METTL9: variants seen among roughly 807,000 people sequenced by gnomAD.
METTL9 encodes the protein protein-L-histidine N-pros-methyltransferase.
Under a neutral mutation model 36.0 loss-of-function variants are expected in METTL9, and 10 were observed. The ratio of observed to expected loss-of-function variants is 0.28; its 90% CI spans 0.17 to 0.47. The LOEUF is 0.47. Ranked by LOEUF, METTL9 falls within the 20% of genes least tolerant of loss-of-function variation. The probability of loss-of-function intolerance (pLI) is 0.99; values close to 1 mark genes in which losing one functional copy is unlikely to be tolerated. For synonymous variants in METTL9, 175 were observed against 149.7 expected (o/e 1.17, Z -1.23); for missense variants, 246 against 383.5 (o/e 0.64, Z 3.00).
intron 1 of METTL9, among the ~76,000 whole-genome samples, chr16:21,606,093 A>G (rs370265091): frequency 1.1e-4 from 16 of 151,968 alleles, no homozygotes; most frequent in African/African-American, 3.9e-4. Flanking sequence ...TCCCGGCACT[A>G]TGGGAGGCTG....
At chr16:21,600,008 C>T in intron 1 of METTL9, 110 bp downstream of exon 1, 1 of 961,548 alleles carries the variant, frequency 1.0e-6, no homozygotes, top group Non-Finnish European at 1.3e-6. Flanking sequence ...GGCCCTCGCC[C>T]CTCCGCCTCG....
At chr16:21,650,923 T>C (rs1400852486) in intron 4 of METTL9, among the ~76,000 whole-genome samples, 1 of 152,176 alleles carries the variant, frequency 6.6e-6, no homozygotes, top group Non-Finnish European at 1.5e-5. Flanking sequence ...ATTCTTATTA[T>C]TTTAAAAAAC....
chr16:21,609,379 A>G (rs1460475443), intron 1 of METTL9, among the ~76,000 whole-genome samples: 3 of 152,266 alleles, frequency 2.0e-5, no homozygotes, highest in African/African-American at 7.2e-5. Context: ...CTCTCAGTCT[A>G]CCTGGGAAGA....
In METTL9 at chr16:21,656,881, T is replaced by A. The variant is rs1159229560; in HGVS notation, c.*1449T>A. On this transcript the variant is annotated 3_prime_UTR_variant, in exon 5 of 5. Transcript: ENST00000358154. ...CATAATAAGAGTTGGGTTATGTGAT[T>A]TATGCAAAATTGTTATTGGTGTGTT... The A allele has an allele frequency of 6.6e-6, 1 of 152,154 alleles. No individual in the cohort carries two copies. The highest frequency in any genetic ancestry group is 1.9e-4 in the East Asian group (1 of 5,198). The allele number at this position is 152,154 out of a possible 1,614,324, so 9.4% of individuals were successfully genotyped here. A position where few individuals can be genotyped will look rare whatever the true frequency, so the allele number is the denominator to read the frequency against.
intron 1 of METTL9, among the ~76,000 whole-genome samples, chr16:21,605,051 GGTTGGTGGTAT>G (rs1273383725): frequency 6.6e-6 from 1 of 152,012 alleles, no homozygotes; most frequent in East Asian, 1.9e-4. Context: ...AACTCTTGGA[GGTTGGTGGTAT>G]CATCCGCACT....
chr16:21,618,965 T>C (rs1965623897), intron 3 of METTL9, among the ~76,000 whole-genome samples: 1 of 152,152 alleles, frequency 6.6e-6, no homozygotes, highest in South Asian at 2.1e-4. Context: ...TCCAAAGTGC[T>C]GGGATTACAG....
chr16:21,620,436 C>T (rs1036671369), intron 3 of METTL9, among the ~76,000 whole-genome samples: 2 of 152,098 alleles, frequency 1.3e-5, no homozygotes, highest in Non-Finnish European at 2.9e-5. Flanking sequence ...ATTCCACCTC[C>T]CCCCCTTAAA....
rs57388340 is a variant in METTL9 at position 21,613,168 on chromosome 16, C to CTTTTTTTTTTT, written c.356+359_356+369dup. ...ATCAGGGGCTAGGTCTGAGAGTCTG[C>CTTTTTTTTTTT]TTTTTTTTTTTTTTTTTTTTTTTTT... On this transcript the variant is annotated intron_variant, in intron 2 of 4. Coordinates refer to ENST00000358154, the MANE Select transcript of METTL9 (RefSeq NM_016025.5). Among the ~76,000 whole-genome samples, 20 of 91,418 alleles carry CTTTTTTTTTTT rather than the reference C, an allele frequency of 2.2e-4. 3 individuals carry two copies. Among genetic ancestry groups the CTTTTTTTTTTT allele is most frequent in the East Asian group, 7.1e-4 (2 of 2,830 alleles). The allele number at this position is 91,418 out of a possible 152,430, so 60.0% of individuals were successfully genotyped here.
At chr16:21,648,821 T>C (rs996433702) in intron 4 of METTL9, among the ~76,000 whole-genome samples, 5 of 152,208 alleles carry the variant, frequency 3.3e-5, no homozygotes, top group African/African-American at 9.7e-5. Flanking sequence ...TTTGCTACTG[T>C]AAATGAAACT....
At chr16:21,613,215 C>A (rs1965475937) in intron 2 of METTL9, among the ~76,000 whole-genome samples, 1 of 116,796 alleles carries the variant, frequency 8.6e-6, no homozygotes, top group Non-Finnish European at 1.6e-5. Context: ...AAAGACAGTC[C>A]TGCTCTGTTT....
chr16:21,621,707 T>G (rs928484745), intron 3 of METTL9, among the ~76,000 whole-genome samples: 1 of 152,222 alleles, frequency 6.6e-6, no homozygotes, highest in Non-Finnish European at 1.5e-5. Context: ...TGTCATTGTT[T>G]ATGCCAGAAA....
intron 4 of METTL9, chr16:21,643,239 A>G (rs1966325139): frequency 9.8e-7 from 1 of 1,023,530 alleles, no homozygotes; most frequent in Non-Finnish European, 1.5e-6. Flanking sequence ...TTCTTGCTCT[A>G]TTGCCACCGG....
intron 3 of METTL9, among the ~76,000 whole-genome samples, chr16:21,624,306 A>C (rs1284811645): frequency 6.6e-6 from 1 of 152,226 alleles, no homozygotes; most frequent in Admixed American, 6.5e-5. Context: ...ACTGATATTC[A>C]AAAGAATTTG....
At chr16:21,632,743 C>A (rs1597769658) in intron 4 of METTL9, among the ~76,000 whole-genome samples, 1 of 152,074 alleles carries the variant, frequency 6.6e-6, no homozygotes, top group Non-Finnish European at 1.5e-5. Flanking sequence ...ATTTTGATAG[C>A]CTCTGACACT....
chr16:21,621,618 C>T (rs1044741961), intron 3 of METTL9, among the ~76,000 whole-genome samples: 2 of 151,340 alleles, frequency 1.3e-5, no homozygotes, highest in Non-Finnish European at 3.0e-5. Context: ...TGAGTCACTG[C>T]GCCCAGCCAA....
At chr16:21,617,064 G>A (rs1334599825) in intron 2 of METTL9, among the ~76,000 whole-genome samples, 1 of 152,056 alleles carries the variant, frequency 6.6e-6, no homozygotes, top group East Asian at 1.9e-4. Context: ...AAAGACAAAT[G>A]GTATCTGGAG....
chr16:21,617,822 A>G, intron 2 of METTL9, 43 bp from the exon 3 acceptor site: 1 of 1,545,450 alleles, frequency 6.5e-7, no homozygotes, highest in Non-Finnish European at 8.9e-7. Context: ...AGGGGTGCTT[A>G]ATTTGCATAG....
rs1340246812 is a variant in METTL9, at chr16:21,612,696, G to A, written c.217G>A (p.Val73Ile). 6.4e-7 allele frequency: 1 copy of A among 1,557,084 alleles called. No homozygotes were observed. Among genetic ancestry groups the A allele is most frequent in the Non-Finnish European group, 8.7e-7 (1 of 1,150,822 alleles). The change falls in exon 2 of 5, where the codon GTT becomes ATT. Residue 73 changes from valine (V) to isoleucine (I), a missense_variant. By Grantham distance (29) the Val-to-Ile change is conservative (BLOSUM62 3). Coordinates refer to ENST00000358154, the MANE Select transcript of METTL9 (RefSeq NM_016025.5). ...ATGCGAATCACTCCAGGCTGTCTTT[G>A]TTCAGAGTTACCTTGATCAAGGAAC... Reference protein sequence around the residue: ...KLCESLQAVFVQSYLDQGTQI... With the variant: ...KLCESLQAVFIQSYLDQGTQI...
intron 1 of METTL9, among the ~76,000 whole-genome samples, chr16:21,610,477 A>T (rs1965401313): frequency 6.6e-6 from 1 of 152,232 alleles, no homozygotes; most frequent in Non-Finnish European, 1.5e-5. Flanking sequence ...AATGGTCAGA[A>T]AGGACATACG....
Sources: gnomAD v4.1 joint callset for allele counts (sites outside exome capture counted in the v4.1 genomes callset) on GRCh38, gnomAD v4.1.1 for gene constraint, MANE v1.5 for transcripts, NCBI Gene and HGNC (gene_info 2026-07-23, HGNC 2026-07-21) for gene names.